The following ETV5 variants were observed in gnomAD, a reference collection of about 807,000 sequenced individuals.
ETV5 encodes the protein ETS variant transcription factor 5.
A neutral mutation model predicts 70.0 loss-of-function variants in ETV5; 10 were observed. That is an observed-to-expected ratio of 0.14 (90% CI 0.09 to 0.24). The LOEUF is 0.24. Ranked by LOEUF, ETV5 falls within the 10% of genes least tolerant of loss-of-function variation. The pLI, the probability that ETV5 is intolerant of heterozygous loss-of-function variation, is 1.00. For synonymous variants in ETV5, 216 were observed against 242.2 expected (o/e 0.89, Z 1.01); for missense variants, 453 against 651.2 (o/e 0.70, Z 3.31).
At chr3:186,078,175 C>T (rs1231921130) in intron 7 of ETV5, 4 of 1,051,362 alleles carry the variant, frequency 3.8e-6, no homozygotes, top group Admixed American at 5.5e-5. Context: ...ATTTGTCTCC[C>T]AACTCAGTTA....
chr3:186,068,617 G>A (rs4234588), intron 7 of ETV5, among the ~76,000 whole-genome samples: 133,034 of 152,178 alleles, frequency 0.87, 58,188 homozygotes, highest in East Asian at 0.96. Flanking sequence ...AAAGCCTGCC[G>A]TGCCTTAGTA....
Position 186,057,619 on chromosome 3 carries a change from C to G in ETV5, c.971-128G>C, listed in dbSNP as rs1713197936. On this transcript the variant is annotated intron_variant, in intron 9 of 12. Transcript: ENST00000306376. This position sits in a 1 kb window ranked among gnomAD's most constrained non-coding sequence, Gnocchi z 4.9. ...CTAAGTCCTACTGCTGTATCTATGG[C>G]AGACTGAATTTTCAGGGACTTCAAG... is the stretch of plus-strand genomic sequence containing the variant. 2 of 802,192 alleles carry G rather than the reference C, an allele frequency of 2.5e-6. No homozygotes were observed. The allele number at this position is 802,192 out of a possible 1,614,324, so 49.7% of individuals were successfully genotyped here.
chr3:186,108,572 G>T (rs1714654563), intron 1 of ETV5: 2 of 1,259,970 alleles, frequency 1.6e-6, no homozygotes, highest in African/African-American at 3.1e-5. Flanking sequence ...GTCTCTTCTC[G>T]CGAGCCTCCA....
intron 7 of ETV5, chr3:186,078,363 C>A: frequency 7.3e-6 from 2 of 274,158 alleles, no homozygotes; most frequent in Non-Finnish European, 1.3e-5. Context: ...TCCCCATAAC[C>A]CTTGCAGAAA....
rs1256555691 is a variant in ETV5 at position 186,052,125 on chromosome 3, G to T, written c.1216C>A (p.Arg406=). 1.2e-6 allele frequency: 2 copies of T among 1,613,622 alleles called. No homozygotes were observed. The highest frequency in any genetic ancestry group is 1.3e-5 in the African/African-American group (1 of 74,986). The part of the protein sequence containing the change: ...FKLIEPEEVA[R]RWGIQKNRPA... The stretch of plus-strand genomic sequence containing the variant: ...CGGTTCTTCTGGATGCCCCAGCGCC[G>T]AGCAACCTGAAGAGACAGGAAAGTG... The change falls in exon 12 of 13, where the codon CGG becomes AGG. Residue 406 remains arginine, a synonymous_variant. Coordinates refer to ENST00000306376, the MANE Select transcript of ETV5 (RefSeq NM_004454.3). The surrounding 1 kb of genome is among the most constrained non-coding windows in gnomAD (Gnocchi z 4.5).
intron 5 of ETV5, among the ~76,000 whole-genome samples, chr3:186,092,854 G>A (rs1459933599): frequency 2.6e-5 from 4 of 152,126 alleles, no homozygotes; most frequent in Admixed American, 6.5e-5. Context: ...CTAAGTCTCT[G>A]CTATGCACTC....
intron 7 of ETV5, among the ~76,000 whole-genome samples, chr3:186,071,657 G>T (rs1713639977): frequency 1.3e-5 from 2 of 152,154 alleles, no homozygotes; most frequent in Non-Finnish European, 2.9e-5. Context: ...GCTAAAATCA[G>T]AAGATATGCA....
At chr3:186,068,874 G>T (rs1030256373) in intron 7 of ETV5, among the ~76,000 whole-genome samples, 2 of 152,174 alleles carry the variant, frequency 1.3e-5, no homozygotes, top group Non-Finnish European at 1.5e-5. Flanking sequence ...AAAAGCATTT[G>T]TGAATATATA....
At chr3:186,107,463 A>G (rs527593940) in intron 1 of ETV5, among the ~76,000 whole-genome samples, 2 of 152,286 alleles carry the variant, frequency 1.3e-5, no homozygotes, top group Non-Finnish European at 2.9e-5. Context: ...CGGGAGGGGG[A>G]GATATTTTTC....
At position 186,086,619 on chromosome 3, in the gene ETV5, A is replaced by G. The variant is rs145381778; in HGVS notation, c.233-5444T>C. On this transcript the variant is annotated intron_variant, in intron 5 of 12. Coordinates refer to ENST00000306376, the MANE Select transcript of ETV5 (RefSeq NM_004454.3). Reference sequence around the variant, plus strand: ...TTAAAAGCATACACAATATCAACAAAATCATCAAATAGCTAGGAAAGTGTC... The same window carrying G: ...TTAAAAGCATACACAATATCAACAAGATCATCAAATAGCTAGGAAAGTGTC... Among the ~76,000 whole-genome samples, 22 of 152,244 alleles carry G rather than the reference A, an allele frequency of 1.4e-4. 1 individual carries two copies. The East Asian group carries it at 2.3e-3, about 16-fold the overall frequency.
chr3:186,055,011 A>G (rs1713122775), intron 11 of ETV5, among the ~76,000 whole-genome samples: 2 of 152,240 alleles, frequency 1.3e-5, no homozygotes, highest in Admixed American at 6.5e-5. Context: ...CAGGCTTCTC[A>G]TATGACTTGG....
intron 7 of ETV5, among the ~76,000 whole-genome samples, chr3:186,074,567 T>C (rs1371523277): frequency 1.3e-5 from 2 of 152,176 alleles, no homozygotes; most frequent in South Asian, 2.1e-4. Flanking sequence ...GGAAGTCTTA[T>C]ATATTTATAT....
chr3:186,046,941 A>C lies in ETV5; in HGVS notation c.*1698T>G, dbSNP rs1712894121. The C allele has an allele frequency of 8.7e-6, 2 of 230,644 alleles. No homozygotes were observed. Among genetic ancestry groups the C allele is most frequent in the South Asian group, 3.6e-4 (2 of 5,500 alleles). 14.3% of individuals were successfully genotyped at this position (230,644 alleles called of 1,614,324 possible). A position where few individuals can be genotyped will look rare whatever the true frequency, so the allele number is the denominator to read the frequency against. On this transcript the variant is annotated 3_prime_UTR_variant, in exon 13 of 13. Transcript: ENST00000306376. ...AGAATCTCATGTTTCCATAGCTATA[A>C]AGTGCACCCCTTATCCCTGCGAACC... is the stretch of plus-strand genomic sequence containing the variant.
intron 7 of ETV5, among the ~76,000 whole-genome samples, chr3:186,071,412 A>G (rs947662778): frequency 6.6e-6 from 1 of 152,336 alleles, no homozygotes; most frequent in Non-Finnish European, 1.5e-5. Context: ...CTGTGAAGTC[A>G]GAACATCCTA....
At chr3:186,080,853 GTTTTC>G (rs1713916331) in intron 6 of ETV5, 188 bp downstream of exon 6, 7 of 525,942 alleles carry the variant, frequency 1.3e-5, no homozygotes, top group Non-Finnish European at 1.9e-5. Flanking sequence ...GTTTTTAATG[GTTTTC>G]TTTTGTGTGC....
At chr3:186,084,461 CTTCATTCA>C (rs67764705) in intron 5 of ETV5, among the ~76,000 whole-genome samples, 10,885 of 150,932 alleles carry the variant, frequency 0.072, 1,159 homozygotes, top group East Asian at 0.51. Flanking sequence ...TTCTTTCTGT[CTTCATTCA>C]TTCATTCATT....
chr3:186,070,150 C>A (rs1377266509), intron 7 of ETV5, among the ~76,000 whole-genome samples: 2 of 152,208 alleles, frequency 1.3e-5, no homozygotes, highest in African/African-American at 4.8e-5. Context: ...AAAGTGCCCA[C>A]ATCTTGTGCT....
At chr3:186,071,569 C>T (rs953712657) in intron 7 of ETV5, among the ~76,000 whole-genome samples, 10 of 152,164 alleles carry the variant, frequency 6.6e-5, no homozygotes, top group Non-Finnish European at 1.0e-4. Flanking sequence ...TGTTATAAGG[C>T]CCGGCCCTGT....
At chr3:186,064,674 G>A in intron 8 of ETV5, 198 bp from the exon 9 acceptor site, 2 of 569,428 alleles carry the variant, frequency 3.5e-6, no homozygotes, top group Middle Eastern at 4.2e-4. Flanking sequence ...CTGAAAGGCA[G>A]GCTCTCCTAA....
Sources: gnomAD v4.1 joint callset for allele counts (sites outside exome capture counted in the v4.1 genomes callset) on GRCh38, gnomAD v4.1.1 for gene constraint, Gnocchi (gnomAD v3.1) non-coding constraint, MANE v1.5 for transcripts, NCBI Gene and HGNC (gene_info 2026-07-23, HGNC 2026-07-21) for gene names.